ZNF674: variants seen among roughly 807,000 people sequenced by gnomAD.
The protein encoded by ZNF674 is zinc finger family member 674.
In ZNF674, 2 loss-of-function variants were observed where a neutral mutation model predicts 7.0. The ratio of observed to expected loss-of-function variants is 0.29; its 90% CI spans 0.12 to 0.90. ZNF674 has a LOEUF of 0.90. Ranked by LOEUF, ZNF674 falls within the 40% of genes least tolerant of loss-of-function variation. The pLI is 0.57. For missense variants in ZNF674, 297 were observed against 415.5 expected (o/e 0.71, Z 2.48); for synonymous variants, 103 against 145.2 (o/e 0.71, Z 2.09).
chrX:46,500,464 A>C lies in ZNF674; in HGVS notation c.1110T>G (p.His370Gln), dbSNP rs142411452. 6.8e-4 allele frequency: 824 copies of C among 1,210,453 alleles called. 7 individuals are homozygous for C. The African/African-American group carries it at 0.013, about 19-fold the overall frequency. ...TGTTCTCTTTTGTATGAGTTCTCCA[A>C]TGTTTAGTGGGACTGGGCTTCTCAT... ...ASDEKPSPTK[H>Q]WRTHTKENIY... Residue 370 changes from histidine (H) to glutamine (Q), a missense_variant, in exon 6 of 6, where the codon CAT becomes CAG. Transcript: ENST00000683375.
chrX:46,509,687 G>A (rs1474709435), intron 5 of ZNF674, among the ~76,000 whole-genome samples: 2 of 95,952 alleles, frequency 2.1e-5, no homozygotes, highest in African/African-American at 7.8e-5. Flanking sequence ...TTACACTGTT[G>A]GTGGGACTGT....
intron 3 of ZNF674, among the ~76,000 whole-genome samples, chrX:46,530,044 C>T (rs1942083046): frequency 8.9e-6 from 1 of 111,980 alleles, no homozygotes; most frequent in East Asian, 2.8e-4. Flanking sequence ...TTGTCACCAC[C>T]AAACAAGAAC....
At position 46,500,629 on chromosome X, in the gene ZNF674, T is replaced by C. The variant is rs1465203547; in HGVS notation, c.945A>G (p.Ser315=). 8.3e-7 allele frequency: 1 copy of C among 1,210,039 alleles called. No individual in the cohort carries two copies. Among genetic ancestry groups the C allele is most frequent in the Non-Finnish European group, 1.1e-6 (1 of 894,965 alleles). Residue 315 remains serine, a synonymous_variant, in exon 6 of 6, where the codon TCA becomes TCG. Transcript: ENST00000683375. ...CDKCPKAFKS[S]YHLIRHEKTH... ...TTTTTTCATGTCTAATAAGATGATA[T>C]GAACTCTTAAAGGCTTTTGGACATT...
intron 3 of ZNF674, among the ~76,000 whole-genome samples, chrX:46,536,376 G>C (rs1305188434): frequency 9.0e-6 from 1 of 110,880 alleles, no homozygotes; most frequent in Non-Finnish European, 1.9e-5. Context: ...CGGATCACGA[G>C]GTCAAGAGAT....
chrX:46,503,844 C>G, intron 5 of ZNF674, among the ~76,000 whole-genome samples: 1 of 111,102 alleles, frequency 9.0e-6, no homozygotes, highest in Middle Eastern at 4.6e-3. Context: ...AAATATACAG[C>G]CTGGGCAACA....
At chrX:46,503,777 C>T (rs1479560309) in intron 5 of ZNF674, among the ~76,000 whole-genome samples, 1 of 112,124 alleles carries the variant, frequency 8.9e-6, no homozygotes, top group Non-Finnish European at 1.9e-5. Context: ...CTTAAATATA[C>T]ATGGCAAATT....
At position 46,517,586 on chromosome X, in the gene ZNF674, G is replaced by C. The variant is rs963877588; in HGVS notation, c.238+10764C>G. 2.7e-5 allele frequency among the ~76,000 whole-genome samples: 3 copies of C among 111,059 alleles called. No homozygotes were observed. The East Asian group carries it at 8.4e-4, about 31-fold the overall frequency. ...TTAAAACATTTCTAATGCAGCCAGA[G>C]GAAAAAAAGGTACACTGCCTACAAG... On this transcript the variant is annotated intron_variant, in intron 5 of 5. Transcript: ENST00000683375.
chrX:46,518,017 A>G (rs1941800973), intron 5 of ZNF674: 1 of 111,342 alleles, frequency 9.0e-6, no homozygotes, highest in Non-Finnish European at 1.9e-5. Flanking sequence ...AATTAAAAAA[A>G]AAAGAAGACG....
chrX:46,517,917 TG>T (rs1941798349), intron 5 of ZNF674: 1 of 111,056 alleles, frequency 9.0e-6, no homozygotes, highest in South Asian at 3.8e-4. Flanking sequence ...CCATTCACTC[TG>T]ATATGATTAT....
chrX:46,533,503 T>G, intron 3 of ZNF674, among the ~76,000 whole-genome samples: 1 of 110,379 alleles, frequency 9.1e-6, no homozygotes. Flanking sequence ...GGCTCACACC[T>G]GAAATCCCAG....
intron 5 of ZNF674, among the ~76,000 whole-genome samples, chrX:46,519,265 AAGATAGAT>A (rs1244183562): frequency 0.023 from 1,066 of 45,571 alleles, 24 homozygotes; most frequent in African/African-American, 0.079. Flanking sequence ...TAGATAGATA[AAGATAGAT>A]GATAGATAGA....
intron 5 of ZNF674, among the ~76,000 whole-genome samples, chrX:46,513,638 C>T (rs1436880248): frequency 8.9e-6 from 1 of 112,210 alleles, no homozygotes; most frequent in Non-Finnish European, 1.9e-5. Flanking sequence ...GATGTTAAAA[C>T]CAGCTCTTTT....
intron 5 of ZNF674, chrX:46,522,920 A>G (rs1020609088): frequency 6.1e-5 from 7 of 114,272 alleles, no homozygotes; most frequent in Non-Finnish European, 1.9e-5. Flanking sequence ...TCTAACAAAA[A>G]TCTTAAAAAT....
chrX:46,503,965 G>C (rs137967593), intron 5 of ZNF674, among the ~76,000 whole-genome samples: 153 of 110,924 alleles, frequency 1.4e-3, no homozygotes, highest in Middle Eastern at 4.6e-3. Flanking sequence ...CTTGAGCCCA[G>C]GAGGTCAAGG....
intron 5 of ZNF674, among the ~76,000 whole-genome samples, chrX:46,515,138 G>GA: frequency 9.0e-6 from 1 of 111,258 alleles, no homozygotes; most frequent in Non-Finnish European, 1.9e-5. Context: ...GGAGGCCTAA[G>GA]TGGGCGGATC....
At chrX:46,507,368 AATT>A (rs1281817429) in intron 5 of ZNF674, among the ~76,000 whole-genome samples, 1 of 111,487 alleles carries the variant, frequency 9.0e-6, no homozygotes, top group Non-Finnish European at 1.9e-5. Context: ...CAAAAAAAAT[AATT>A]ATTAACCAAA....
At chrX:46,529,707 G>T (rs890385938) in intron 3 of ZNF674, 1 of 109,055 alleles carries the variant, frequency 9.2e-6, no homozygotes, top group Non-Finnish European at 1.9e-5. Context: ...AACTCAAGGA[G>T]CTTCAGTTTA....
intron 5 of ZNF674, chrX:46,528,138 T>A: frequency 2.1e-6 from 1 of 477,263 alleles, no homozygotes; most frequent in Admixed American, 3.1e-5. Flanking sequence ...GGCCACAATC[T>A]ATGTGAATGC....
chrX:46,513,411 G>A (rs1418618891), intron 5 of ZNF674, among the ~76,000 whole-genome samples: 2 of 112,263 alleles, frequency 1.8e-5, no homozygotes, highest in African/African-American at 6.5e-5. Flanking sequence ...ATTTACCCTT[G>A]CCATATTACC....
Sources: allele counts gnomAD v4.1 joint callset (sites outside exome capture counted in the v4.1 genomes callset), GRCh38; gene constraint gnomAD v4.1.1; transcripts MANE v1.5; gene names NCBI Gene and HGNC (gene_info 2026-07-23, HGNC 2026-07-21).